Variants in SDK1 observed in about 807,000 individuals in gnomAD.
SDK1 encodes protein sidekick-1.
In SDK1, 157 loss-of-function variants were observed where a neutral mutation model predicts 245.5. That is an observed-to-expected ratio of 0.64 (90% CI 0.56 to 0.73). SDK1 has a LOEUF of 0.73. Among genes scored for constraint, SDK1 ranks in the 30% least tolerant of loss-of-function variants. The pLI is 0.00. For missense variants in SDK1, 3,583 were observed against 3,002.3 expected (o/e 1.19, Z -4.52); for synonymous variants, 1,647 against 1,278.5 (o/e 1.29, Z -6.15).
chr7:4,237,498 T>A, intron 41 of SDK1, 149 bp from the exon 42 acceptor site: 1 of 843,940 alleles, frequency 1.2e-6, no homozygotes, highest in East Asian at 2.5e-5. Flanking sequence ...ATGGGAAAAG[T>A]CCACCCGCCC....
intron 4 of SDK1, among the ~76,000 whole-genome samples, chr7:3,644,429 A>T (rs1039136897): frequency 5.3e-5 from 8 of 151,866 alleles, no homozygotes; most frequent in African/African-American, 1.9e-4. Context: ...AACAAAAATG[A>T]AGGATCAATT....
At chr7:3,848,669 C>G (rs1309654889) in intron 5 of SDK1, among the ~76,000 whole-genome samples, 2 of 151,380 alleles carry the variant, frequency 1.3e-5, no homozygotes, top group Non-Finnish European at 3.0e-5. Context: ...ATAGAGTTGT[C>G]TTTTCTTTTT....
chr7:3,963,960 G>A (rs1393250965), intron 9 of SDK1, among the ~76,000 whole-genome samples: 1 of 152,180 alleles, frequency 6.6e-6, no homozygotes, highest in Admixed American at 6.5e-5. Context: ...CGGCTACCCA[G>A]ATGTATCCAG....
intron 1 of SDK1, among the ~76,000 whole-genome samples, chr7:3,379,786 T>A (rs1781440338): frequency 7.5e-6 from 1 of 132,764 alleles, no homozygotes; most frequent in Non-Finnish European, 1.6e-5. Context: ...AATCCGAAAT[T>A]TGCAATGTTC....
At chr7:4,072,098 G>A (rs1780291375) in intron 20 of SDK1, among the ~76,000 whole-genome samples, 1 of 152,188 alleles carries the variant, frequency 6.6e-6, no homozygotes, top group African/African-American at 2.4e-5. Context: ...CAGCTAATGG[G>A]GCTTCATGAA....
At chr7:4,096,730 C>T (rs1180476725) in intron 22 of SDK1, among the ~76,000 whole-genome samples, 1 of 151,926 alleles carries the variant, frequency 6.6e-6, no homozygotes, top group Non-Finnish European at 1.5e-5. Flanking sequence ...TGTGCAGGGC[C>T]CTGTCCTAGA....
At chr7:3,791,758 A>G (rs944782581) in intron 4 of SDK1, among the ~76,000 whole-genome samples, 4 of 152,154 alleles carry the variant, frequency 2.6e-5, no homozygotes, top group African/African-American at 7.2e-5. Flanking sequence ...AGAGTGCTCT[A>G]TGGATGCCAT....
rs1396187037 is a variant in SDK1, at chr7:4,010,859, T to C, written c.2132-107T>C. 14 of 1,159,562 alleles carry C rather than the reference T, an allele frequency of 1.2e-5. No individual in the cohort carries two copies. In the East Asian group the frequency reaches 1.7e-4, roughly 14 times the overall value. The allele number at this position is 1,159,562 out of a possible 1,614,324, so 71.8% of individuals were successfully genotyped here. A position where few individuals can be genotyped will look rare whatever the true frequency, so the allele number is the denominator to read the frequency against. On this transcript the variant is annotated intron_variant, in intron 14 of 44. Transcript: ENST00000404826. ...ATAAGCTTTCCTTCTCCTAGAGCTG[T>C]CCTGCTAAGCAAATGAGATGTTCCC...
intron 5 of SDK1, among the ~76,000 whole-genome samples, chr7:3,843,770 GT>G (rs1285947326): frequency 6.6e-6 from 1 of 152,110 alleles, no homozygotes; most frequent in Non-Finnish European, 1.5e-5. Context: ...CTGAGCCTCA[GT>G]TTTCCCATCT....
At chr7:4,113,932 A>T in intron 24 of SDK1, 105 bp from the exon 25 acceptor site, 1 of 799,966 alleles carries the variant, frequency 1.3e-6, no homozygotes, top group Non-Finnish European at 2.1e-6. Context: ...CCCCAGGAAC[A>T]CCTCCTCCAC....
chr7:3,661,201 A>T (rs1223568575), intron 4 of SDK1, among the ~76,000 whole-genome samples: 1 of 152,082 alleles, frequency 6.6e-6, no homozygotes, highest in Non-Finnish European at 1.5e-5. Context: ...CTAATTGACT[A>T]TACATAACTT....
chr7:3,377,769 T>A (rs1478035650), intron 1 of SDK1, among the ~76,000 whole-genome samples: 1 of 152,108 alleles, frequency 6.6e-6, no homozygotes, highest in African/African-American at 2.4e-5. Context: ...TTTTATTTTA[T>A]CATTTATTTA....
At chr7:3,585,051 C>T (rs549283907) in intron 1 of SDK1, among the ~76,000 whole-genome samples, 2 of 152,278 alleles carry the variant, frequency 1.3e-5, no homozygotes, top group African/African-American at 4.8e-5. Flanking sequence ...GATCCACTGC[C>T]TCACATTTTT....
chr7:4,232,987 C>A, intron 40 of SDK1: 1 of 358,948 alleles, frequency 2.8e-6, no homozygotes, highest in Non-Finnish European at 5.1e-6. Flanking sequence ...ATATGCATAA[C>A]CTAACGTTTC....
chr7:4,037,715 A>G (rs1336531192), intron 17 of SDK1, among the ~76,000 whole-genome samples: 1 of 152,186 alleles, frequency 6.6e-6, no homozygotes, highest in Non-Finnish European at 1.5e-5. Flanking sequence ...AGCATCTTGG[A>G]TTTTATTAGA....
intron 14 of SDK1, among the ~76,000 whole-genome samples, chr7:3,991,918 A>T (rs1292838226): frequency 6.6e-6 from 1 of 152,266 alleles, no homozygotes; most frequent in Non-Finnish European, 1.5e-5. Flanking sequence ...GAAGCAGCTG[A>T]ACATGCTGGC....
Position 4,178,465 on chromosome 7 carries a change from T to C in SDK1, c.4997-20T>C, listed in dbSNP as rs1782388273. On this transcript the variant is annotated intron_variant, in intron 34 of 44. Transcript: ENST00000404826. ...GGTGGTCCTGGTGGAAGCTGATCCA[T>C]ATTTCCTTCAACCCTGCAGATTTAA... 1.3e-6 allele frequency: 2 copies of C among 1,565,772 alleles called. No individual in the cohort carries two copies. Among genetic ancestry groups the C allele is most frequent in the African/African-American group, 1.4e-5 (1 of 73,970 alleles).
In SDK1 at chr7:3,771,730, A is replaced by G. The variant is rs534563404; in HGVS notation, c.714-49720A>G. ...TAAAAGTATGTAGCTTTGTTTTCCAATTTTTTTTTACTGTGGTAAAATACA... is the reference window on the plus strand; with the variant it reads ...TAAAAGTATGTAGCTTTGTTTTCCAGTTTTTTTTTACTGTGGTAAAATACA... On this transcript the variant is annotated intron_variant, in intron 4 of 44. Coordinates refer to ENST00000404826, the MANE Select transcript of SDK1 (RefSeq NM_152744.4). 2.6e-5 allele frequency among the ~76,000 whole-genome samples: 4 copies of G among 151,332 alleles called. 1 individual carries two copies. Among genetic ancestry groups the G allele is most frequent in the African/African-American group, 9.7e-5 (4 of 41,280 alleles).
chr7:3,951,645 A>G, intron 6 of SDK1, 85 bp from the exon 7 acceptor site: 1 of 1,267,278 alleles, frequency 7.9e-7, no homozygotes, highest in Non-Finnish European at 1.1e-6. Context: ...TAGCTTCGTC[A>G]AGCCTGTGCC....
Sources: allele counts gnomAD v4.1 joint callset (sites outside exome capture counted in the v4.1 genomes callset), GRCh38; gene constraint gnomAD v4.1.1; transcripts MANE v1.5; gene names NCBI Gene and HGNC (gene_info 2026-07-23, HGNC 2026-07-21).